The following PHACTR3 variants were observed in gnomAD, a reference collection of about 807,000 sequenced individuals.
PHACTR3 encodes the protein phosphatase and actin regulator 3.
Under a neutral mutation model 66.8 loss-of-function variants are expected in PHACTR3, and 16 were observed. The ratio of observed to expected loss-of-function variants is 0.24; its 90% confidence interval spans 0.16 to 0.36. The LOEUF is 0.36. Among genes scored for constraint, PHACTR3 ranks in the 10% least tolerant of loss-of-function variants. The probability of loss-of-function intolerance (pLI) is 1.00; values close to 1 mark genes in which losing one functional copy is unlikely to be tolerated. For missense variants in PHACTR3, 647 were observed against 719.9 expected (o/e 0.90, Z 1.16); for synonymous variants, 323 against 292.1 (o/e 1.11, Z -1.08).
rs770695048 is a variant in PHACTR3, at chr20:59,836,592, C to T, written c.1384+32C>T. ...AGCTGGTGATTCCTCTAGAGGTTTT[C>T]CTTCACGTGTGGTGAGGCTGTTGCA... On this transcript the variant is annotated intron_variant, in intron 9 of 12. Transcript: ENST00000371015. The T allele has an allele frequency of 1.9e-5, 30 of 1,602,038 alleles. 1 individual carries two copies. The Middle Eastern group carries it at 3.3e-3, about 177-fold the overall frequency.
intron 1 of PHACTR3, among the ~76,000 whole-genome samples, chr20:59,731,420 A>G (rs1029223543): frequency 6.6e-6 from 1 of 152,208 alleles, no homozygotes; most frequent in Admixed American, 6.5e-5. Flanking sequence ...CACAATGATG[A>G]CAACAACAAA....
rs1286555753 is a variant in PHACTR3 at position 59,836,352 on chromosome 20, A to C, written c.1329-153A>C. The C allele has an allele frequency of 4.9e-6, 3 of 612,068 alleles. No individual in the cohort carries two copies. In the African/African-American group the frequency reaches 5.8e-5, roughly 12 times the overall value. 37.9% of individuals were successfully genotyped at this position (612,068 alleles called of 1,614,324 possible). ...GGAAGTCTGACTTGATTTTGCCAGC[A>C]AGAGGCAACAACCAAAGGTTCACTT... On this transcript the variant is annotated intron_variant, in intron 8 of 12. Transcript: ENST00000371015.
rs2058972000 is a variant in PHACTR3 at position 59,836,623 on chromosome 20, C to A, written c.1384+63C>A. 2.0e-6 allele frequency: 3 copies of A among 1,526,050 alleles called. No individual in the cohort carries two copies. The Admixed American group carries it at 5.6e-5, about 28-fold the overall frequency. 94.5% of individuals were successfully genotyped at this position (1,526,050 alleles called of 1,614,324 possible). A position where few individuals can be genotyped will look rare whatever the true frequency, so the allele number is the denominator to read the frequency against. ...CGTGTGGTGAGGCTGTTGCACAAAT[C>A]CTGAGTTCCCATAACCCAGCCCTTC... On this transcript the variant is annotated intron_variant, in intron 9 of 12. Transcript: ENST00000371015.
chr20:59,628,870 T>G (rs1305579682), intron 1 of PHACTR3: 1 of 955,926 alleles, frequency 1.0e-6, no homozygotes, highest in Non-Finnish European at 1.2e-6. Context: ...CTTTCTAAAC[T>G]TTTTTGAAAT....
chr20:59,750,255 G>A (rs1031607340), intron 3 of PHACTR3, among the ~76,000 whole-genome samples: 1 of 151,984 alleles, frequency 6.6e-6, no homozygotes, highest in Admixed American at 6.5e-5. Flanking sequence ...CAGGTCCAAA[G>A]GTGGGCAGGA....
intron 1 of PHACTR3, among the ~76,000 whole-genome samples, chr20:59,693,288 A>G (rs907674525): frequency 6.6e-6 from 1 of 152,144 alleles, no homozygotes; most frequent in Non-Finnish European, 1.5e-5. Flanking sequence ...ATCCGTCCCC[A>G]TCTCCCTTCT....
intron 1 of PHACTR3, among the ~76,000 whole-genome samples, chr20:59,640,330 A>C (rs2035058773): frequency 6.6e-6 from 1 of 152,246 alleles, no homozygotes; most frequent in Non-Finnish European, 1.5e-5. Flanking sequence ...TCATGTGCGC[A>C]GAAGGGTTGG....
intron 1 of PHACTR3, among the ~76,000 whole-genome samples, chr20:59,635,880 C>T (rs905754702): frequency 1.3e-5 from 2 of 152,238 alleles, no homozygotes; most frequent in Non-Finnish European, 2.9e-5. Context: ...GGGCTGCACA[C>T]AGTTGGGGAC....
At chr20:59,730,392 A>G (rs1166102878) in intron 1 of PHACTR3, among the ~76,000 whole-genome samples, 1 of 152,182 alleles carries the variant, frequency 6.6e-6, no homozygotes, top group African/African-American at 2.4e-5. Context: ...GTGGTAGAGA[A>G]GCTTAAGAAA....
chr20:59,707,649 G>C (rs565640379), intron 1 of PHACTR3, among the ~76,000 whole-genome samples: 4 of 152,044 alleles, frequency 2.6e-5, no homozygotes, highest in South Asian at 2.1e-4. Context: ...ATTTTTAGTA[G>C]AGACAGGGTT....
intron 7 of PHACTR3, among the ~76,000 whole-genome samples, chr20:59,785,117 C>G (rs549201160): frequency 6.6e-6 from 1 of 152,128 alleles, no homozygotes; most frequent in Non-Finnish European, 1.5e-5. Flanking sequence ...CTCCAGCTGC[C>G]GTAACAGGAT....
chr20:59,586,573 G>C (rs955980022), intron 1 of PHACTR3, among the ~76,000 whole-genome samples: 3 of 152,010 alleles, frequency 2.0e-5, no homozygotes, highest in Admixed American at 2.0e-4. Flanking sequence ...AAAAAATAAG[G>C]CGATATTCCT....
At position 59,734,249 on chromosome 20, in the gene PHACTR3, G is replaced by A. The variant is rs192763605; in HGVS notation, c.119-8858G>A. Among the ~76,000 whole-genome samples the A allele has an allele frequency of 6.6e-5, 10 of 152,216 alleles. No homozygotes were observed. In the East Asian group the frequency reaches 7.7e-4, roughly 12 times the overall value. On this transcript the variant is annotated intron_variant, in intron 1 of 12. Coordinates refer to ENST00000371015, the MANE Select transcript of PHACTR3 (RefSeq NM_080672.5). ...GCAATGCAGTTGGGTTTTCATTTACGAATGTAGAATCAATTAATTTTTTTA... is the reference window on the plus strand; with the variant it reads ...GCAATGCAGTTGGGTTTTCATTTACAAATGTAGAATCAATTAATTTTTTTA...
At chr20:59,585,607 T>A (rs1018939246) in intron 1 of PHACTR3, among the ~76,000 whole-genome samples, 4 of 152,186 alleles carry the variant, frequency 2.6e-5, no homozygotes, top group African/African-American at 9.6e-5. Flanking sequence ...CAGCAGTGAC[T>A]GGCGCATTTT....
At chr20:59,669,854 C>CT (rs1184156185) in intron 1 of PHACTR3, among the ~76,000 whole-genome samples, 1 of 152,246 alleles carries the variant, frequency 6.6e-6, no homozygotes, top group Non-Finnish European at 1.5e-5. Context: ...ATACATCACA[C>CT]TTTGTTTCCC....
rs2036581793 is a variant in PHACTR3, at chr20:59,679,896, T to A, written c.119-63211T>A. ...TCCCTCCCGCAACACGTGGAAACTA[T>A]AGGAGCTACAATTCAAGAAGAGATT... is the stretch of plus-strand genomic sequence containing the variant. On this transcript the variant is annotated intron_variant, in intron 1 of 12. Coordinates refer to ENST00000371015, the MANE Select transcript of PHACTR3 (RefSeq NM_080672.5). 2.0e-5 allele frequency among the ~76,000 whole-genome samples: 3 copies of A among 152,194 alleles called. No homozygotes were observed. The South Asian group carries it at 6.2e-4, about 32-fold the overall frequency.
At chr20:59,667,756 T>A (rs1339578088) in intron 1 of PHACTR3, among the ~76,000 whole-genome samples, 1 of 152,186 alleles carries the variant, frequency 6.6e-6, no homozygotes, top group African/African-American at 2.4e-5. Context: ...CTGAAAGGCT[T>A]CCTGTCCTGC....
At position 59,743,131 on chromosome 20, in the gene PHACTR3, C is replaced by T. The variant is rs771327228; in HGVS notation, c.143C>T (p.Ala48Val). The T allele has an allele frequency of 1.2e-5, 19 of 1,613,738 alleles. No individual in the cohort carries two copies. The highest frequency in any genetic ancestry group is 1.7e-5 in the Admixed American group (1 of 59,962). Residue 48 changes from alanine to valine, a missense_variant, in exon 2 of 13, where the codon GCG becomes GTG. Ala to Val is a moderately conservative substitution (Grantham distance 64, BLOSUM62 0). This residue lies in a region of PHACTR3 where 577 missense variants were observed against 571.1 expected (regional missense o/e 1.01). Coordinates refer to ENST00000371015, the MANE Select transcript of PHACTR3 (RefSeq NM_080672.5). ...NPDEMDQTPP[A>V]RPEYLVSGIR... is the part of the protein sequence containing the mutation. Reference sequence around the variant, plus strand: ...GATGAGATGGACCAAACGCCCCCGGCGCGTCCTGAATATCTGGTCTCAGGG... The same window carrying T: ...GATGAGATGGACCAAACGCCCCCGGTGCGTCCTGAATATCTGGTCTCAGGG...
At chr20:59,674,524 G>A (rs1172896608) in intron 1 of PHACTR3, among the ~76,000 whole-genome samples, 5 of 55,028 alleles carry the variant, frequency 9.1e-5, no homozygotes, top group Non-Finnish European at 1.4e-4. Context: ...TCCTGTCCCC[G>A]CTTCTTCTGT....
Sources: allele counts gnomAD v4.1 joint callset (sites outside exome capture counted in the v4.1 genomes callset), GRCh38; gene constraint gnomAD v4.1.1; regional missense constraint gnomAD v4.1.1; transcripts MANE v1.5; gene names NCBI Gene and HGNC (gene_info 2026-07-23, HGNC 2026-07-21).